DLG2: variants seen among roughly 807,000 people sequenced by gnomAD.
DLG2 encodes discs large MAGUK scaffold protein 2, also known as disks large homolog 2.
A neutral mutation model predicts 132.5 loss-of-function variants in DLG2; 45 were observed. The ratio of observed to expected loss-of-function variants is 0.34; its 90% CI spans 0.27 to 0.44. The LOEUF is 0.44. Among genes scored for constraint, DLG2 ranks in the 20% least tolerant of loss-of-function variants. The pLI is 1.00. For missense variants in DLG2, 1,045 were observed against 1,196.9 expected, an observed-to-expected ratio of 0.87 and a Z score of 1.87; for synonymous variants, 424 against 419.6, an observed-to-expected ratio of 1.01 and a Z score of -0.13.
At chr11:84,659,472 T>C (rs1375441086) in intron 6 of DLG2, among the ~76,000 whole-genome samples, 2 of 152,170 alleles carry the variant, frequency 1.3e-5, no homozygotes, top group African/African-American at 4.8e-5. Context: ...TCCAGATATC[T>C]AGAGATGCTA....
At chr11:83,830,656 G>T (rs1357664354) in intron 17 of DLG2, among the ~76,000 whole-genome samples, 1 of 152,244 alleles carries the variant, frequency 6.6e-6, no homozygotes, top group East Asian at 1.9e-4. Context: ...GTGCCATAGA[G>T]ACTGTTGACA....
chr11:83,598,183 A>G (rs2057942729), intron 19 of DLG2, among the ~76,000 whole-genome samples: 1 of 152,202 alleles, frequency 6.6e-6, no homozygotes. Flanking sequence ...CATTTCCGAG[A>G]AGGGAAAAAA....
intron 2 of DLG2, among the ~76,000 whole-genome samples, chr11:85,602,459 T>A (rs2080235639): frequency 6.6e-6 from 1 of 152,142 alleles, no homozygotes; most frequent in Non-Finnish European, 1.5e-5. Flanking sequence ...AGGATCTCTC[T>A]CTGTCACCCA....
At chr11:84,050,271 G>C (rs1057491411) in intron 11 of DLG2, among the ~76,000 whole-genome samples, 3 of 151,172 alleles carry the variant, frequency 2.0e-5, no homozygotes, top group African/African-American at 7.3e-5. Context: ...GCCTATTATA[G>C]TACGCCAGAT....
chr11:83,509,045 T>C (rs2139736983), intron 21 of DLG2, among the ~76,000 whole-genome samples: 1 of 152,332 alleles, frequency 6.6e-6, no homozygotes, highest in East Asian at 1.9e-4. Flanking sequence ...TTTGTTCAAA[T>C]GTAGTCACGT....
At chr11:83,849,768 A>AAAG (rs2059319725) in intron 16 of DLG2, among the ~76,000 whole-genome samples, 1 of 150,950 alleles carries the variant, frequency 6.6e-6, no homozygotes. Flanking sequence ...TTTTTTTTAA[A>AAAG]AAAAAAGCAT....
At chr11:84,535,246 T>C (rs184737680) in intron 6 of DLG2, among the ~76,000 whole-genome samples, 8 of 152,356 alleles carry the variant, frequency 5.3e-5, no homozygotes, top group East Asian at 3.9e-4. Context: ...TTATTTGTAT[T>C]AGACTCAAAG....
chr11:84,084,692 T>C (rs1276357035), intron 10 of DLG2, among the ~76,000 whole-genome samples: 4 of 152,194 alleles, frequency 2.6e-5, no homozygotes, highest in South Asian at 2.1e-4. Context: ...TACTTCTCAG[T>C]TTTAGTAGGA....
intron 3 of DLG2, among the ~76,000 whole-genome samples, chr11:85,538,280 T>C (rs2075735615): frequency 6.6e-6 from 1 of 151,868 alleles, no homozygotes; most frequent in Non-Finnish European, 1.5e-5. Flanking sequence ...AACCTTTCTA[T>C]GTAAGAGCTG....
chr11:84,355,494 C>G (rs1276180890), intron 7 of DLG2, among the ~76,000 whole-genome samples: 1 of 152,000 alleles, frequency 6.6e-6, no homozygotes, highest in African/African-American at 2.4e-5. Context: ...AGAAGGTGCT[C>G]AAGGCAGACC....
intron 7 of DLG2, among the ~76,000 whole-genome samples, chr11:84,431,209 T>A (rs920074274): frequency 6.6e-6 from 1 of 152,138 alleles, no homozygotes; most frequent in Non-Finnish European, 1.5e-5. Context: ...ACACATAACA[T>A]ATATATACAC....
At chr11:83,679,326 G>A (rs1425467029) in intron 18 of DLG2, among the ~76,000 whole-genome samples, 1 of 152,080 alleles carries the variant, frequency 6.6e-6, no homozygotes, top group Non-Finnish European at 1.5e-5. Context: ...GTATTGTCAG[G>A]TATTTTAATA....
intron 17 of DLG2, among the ~76,000 whole-genome samples, chr11:83,825,166 TATATA>T (rs1322549631): frequency 5.4e-5 from 5 of 93,026 alleles, no homozygotes; most frequent in African/African-American, 2.7e-4. Flanking sequence ...TATATATATA[TATATA>T]TTTTTTTTTT....
chr11:83,786,874 GCTGT>G, intron 17 of DLG2, 82 bp from the exon 18 acceptor site: 2 of 1,168,168 alleles, frequency 1.7e-6, no homozygotes, highest in Admixed American at 1.9e-5. Context: ...CCAAAACCAG[GCTGT>G]CTAACATTAT....
intron 6 of DLG2, among the ~76,000 whole-genome samples, chr11:85,018,696 G>C (rs551699727): frequency 1.3e-5 from 2 of 151,894 alleles, no homozygotes; most frequent in South Asian, 4.2e-4. Context: ...GCCCAAGTAA[G>C]TACGATTAAT....
intron 8 of DLG2, among the ~76,000 whole-genome samples, chr11:84,229,673 T>C (rs2097062169): frequency 6.6e-6 from 1 of 152,208 alleles, no homozygotes; most frequent in Non-Finnish European, 1.5e-5. Flanking sequence ...CTCTCTCAAG[T>C]AGTAAGGGTT....
chr11:85,508,678 T>G (rs1409505762), intron 3 of DLG2, among the ~76,000 whole-genome samples: 2 of 152,074 alleles, frequency 1.3e-5, no homozygotes, highest in Non-Finnish European at 2.9e-5. Context: ...AAATGAATAT[T>G]AAACAAAAAC....
At chr11:84,365,372 T>C (rs1403055589) in intron 7 of DLG2, among the ~76,000 whole-genome samples, 1 of 152,170 alleles carries the variant, frequency 6.6e-6, no homozygotes, top group Non-Finnish European at 1.5e-5. Context: ...CCTTTATTAT[T>C]TTTTATTGCA....
intron 5 of DLG2, among the ~76,000 whole-genome samples, chr11:85,152,630 T>C (rs1180777372): frequency 6.6e-6 from 1 of 152,128 alleles, no homozygotes; most frequent in African/African-American, 2.4e-5. Flanking sequence ...TAGATTAGGG[T>C]TTAGATTAGG....
Sources: allele counts gnomAD v4.1 joint callset (sites outside exome capture counted in the v4.1 genomes callset), GRCh38; gene constraint gnomAD v4.1.1; transcripts MANE v1.5; gene names NCBI Gene and HGNC (gene_info 2026-07-23, HGNC 2026-07-21).